Variants in CFAP20DC observed in about 807,000 individuals in gnomAD.
CFAP20DC encodes CFAP20 domain containing.
Under a neutral mutation model 101.7 loss-of-function variants are expected in CFAP20DC, and 84 were observed. That is an observed-to-expected ratio of 0.83 (90% confidence interval 0.69 to 0.99). The LOEUF (loss-of-function observed/expected upper bound fraction) is 0.99, where lower values mean the gene tolerates loss of function less well. CFAP20DC is among the 50% of genes least tolerant of loss of function. The pLI, the probability that CFAP20DC is intolerant of heterozygous loss-of-function variation, is 0.00. For synonymous variants in CFAP20DC, 359 were observed against 351.2 expected (o/e 1.02, Z -0.25); for missense variants, 1,007 against 970.3 (o/e 1.04, Z -0.50).
At chr3:58,881,729 A>G (rs902097004) in intron 7 of CFAP20DC, among the ~76,000 whole-genome samples, 1 of 152,200 alleles carries the variant, frequency 6.6e-6, no homozygotes, top group Non-Finnish European at 1.5e-5. Flanking sequence ...TGAGTAGCCC[A>G]TAGTTAATTA....
At position 58,863,129 on chromosome 3, in the gene CFAP20DC, G is replaced by C. The variant is rs2079390063; in HGVS notation, c.1593+429C>G. The C allele has an allele frequency of 9.5e-7, 1 of 1,047,640 alleles. No individual in the cohort carries two copies. The highest frequency in any genetic ancestry group is 1.1e-6 in the Non-Finnish European group (1 of 871,390). The allele number at this position is 1,047,640 out of a possible 1,614,324, so 64.9% of individuals were successfully genotyped here. A position where few individuals can be genotyped will look rare whatever the true frequency, so the allele number is the denominator to read the frequency against. Reference sequence around the variant, plus strand: ...AATAATGAGTCCTAATAGGTCTAAGGTGAAAAGATGGCAGGGGAGTAAGGA... The same window carrying C: ...AATAATGAGTCCTAATAGGTCTAAGCTGAAAAGATGGCAGGGGAGTAAGGA... On this transcript the variant is annotated intron_variant, in intron 12 of 16. Coordinates refer to ENST00000482387, the MANE Select transcript of CFAP20DC (RefSeq NM_001394063.1). This position sits in a 1 kb window ranked among gnomAD's most constrained non-coding sequence, Gnocchi z 5.9.
At position 58,913,423 on chromosome 3, in the gene CFAP20DC, GATT is replaced by G; in HGVS notation, c.550+282_550+284del. 2 of 573,738 alleles carry G rather than the reference GATT, an allele frequency of 3.5e-6. No homozygotes were observed. The highest frequency in any genetic ancestry group is 4.6e-5 in the South Asian group (2 of 43,286). 35.5% of individuals were successfully genotyped at this position (573,738 alleles called of 1,614,324 possible). ...TGTTCTTTTTCAACCACCTAAAGAG[GATT>G]ATGTTGTTTGTAACTAAGGAGCCTA... On this transcript the variant is annotated intron_variant, in intron 6 of 16. Transcript: ENST00000482387. This position sits in a 1 kb window ranked among gnomAD's most constrained non-coding sequence, Gnocchi z 4.4.
At chr3:58,824,544 C>T (rs2075909933) in intron 14 of CFAP20DC, 1 of 152,048 alleles carries the variant, frequency 6.6e-6, no homozygotes, top group African/African-American at 2.4e-5. Context: ...AATAAAAGAA[C>T]CGGAGATAAG....
At chr3:58,934,018 C>G (rs1370868035) in intron 5 of CFAP20DC, among the ~76,000 whole-genome samples, 4 of 152,002 alleles carry the variant, frequency 2.6e-5, no homozygotes, top group Non-Finnish European at 5.9e-5. Flanking sequence ...AATTGATAGA[C>G]CACTAGCAAG....
At chr3:58,973,064 G>T (rs2092044860) in intron 4 of CFAP20DC, among the ~76,000 whole-genome samples, 1 of 152,120 alleles carries the variant, frequency 6.6e-6, no homozygotes. Context: ...AATGTTAGCA[G>T]CTCCCAGGCT....
At chr3:58,769,238 G>C (rs1392121988) in intron 15 of CFAP20DC, among the ~76,000 whole-genome samples, 1 of 152,198 alleles carries the variant, frequency 6.6e-6, no homozygotes, top group Non-Finnish European at 1.5e-5. Context: ...CATTGGCTGA[G>C]TGCCATCAGA....
At chr3:58,888,258 AAAT>A (rs1364337543) in intron 6 of CFAP20DC, among the ~76,000 whole-genome samples, 1 of 152,248 alleles carries the variant, frequency 6.6e-6, no homozygotes, top group East Asian at 1.9e-4. Flanking sequence ...GTCATTCAAC[AAAT>A]ATTTATTGAG....
intron 14 of CFAP20DC, among the ~76,000 whole-genome samples, chr3:58,813,129 C>A (rs2074805390): frequency 6.6e-6 from 1 of 151,836 alleles, no homozygotes; most frequent in Admixed American, 6.6e-5. Context: ...GTGTATAACA[C>A]AACCTCAAGT....
At chr3:58,812,628 C>T (rs1194424534) in intron 14 of CFAP20DC, among the ~76,000 whole-genome samples, 1 of 151,566 alleles carries the variant, frequency 6.6e-6, no homozygotes, top group Non-Finnish European at 1.5e-5. Context: ...ATGGGTGCAG[C>T]ACACCAGCAT....
intron 5 of CFAP20DC, among the ~76,000 whole-genome samples, chr3:58,927,818 G>GCT (rs2086150571): frequency 6.6e-6 from 1 of 152,130 alleles, no homozygotes; most frequent in Non-Finnish European, 1.5e-5. Flanking sequence ...CCACCTTGCT[G>GCT]CTCTCTGGAG....
Position 58,862,344 on chromosome 3 carries a change from A to C in CFAP20DC, c.1593+1214T>G, listed in dbSNP as rs2079319907. On this transcript the variant is annotated intron_variant, in intron 12 of 16. Coordinates refer to ENST00000482387, the MANE Select transcript of CFAP20DC (RefSeq NM_001394063.1). Reference sequence around the variant, plus strand: ...TATTAGGTGCTGAAGACAAATGTCCATGTTTTTATAGCTTTATGTTATTAA... The same window carrying C: ...TATTAGGTGCTGAAGACAAATGTCCCTGTTTTTATAGCTTTATGTTATTAA... 4.1e-6 allele frequency: 4 copies of C among 985,440 alleles called. No homozygotes were observed. In the South Asian group the frequency reaches 1.9e-4, roughly 46 times the overall value. The allele number at this position is 985,440 out of a possible 1,614,324, so 61.0% of individuals were successfully genotyped here.
intron 5 of CFAP20DC, among the ~76,000 whole-genome samples, chr3:58,931,297 A>G (rs988917975): frequency 4.6e-5 from 7 of 152,160 alleles, no homozygotes; most frequent in African/African-American, 1.7e-4. Context: ...GACCACCACA[A>G]CTCAAGGAGG....
At chr3:58,748,292 G>A (rs145009661) in intron 16 of CFAP20DC, among the ~76,000 whole-genome samples, 1 of 152,280 alleles carries the variant, frequency 6.6e-6, no homozygotes, top group Non-Finnish European at 1.5e-5. Context: ...AGGTATCAAC[G>A]TTGAGCTATG....
chr3:58,796,557 C>G (rs1291710328), intron 15 of CFAP20DC, among the ~76,000 whole-genome samples: 3 of 152,106 alleles, frequency 2.0e-5, no homozygotes, highest in African/African-American at 7.2e-5. Flanking sequence ...GAGCAGTTGA[C>G]TAAGGACCTC....
chr3:58,941,363 T>C (rs2088557820), intron 4 of CFAP20DC, among the ~76,000 whole-genome samples: 1 of 142,524 alleles, frequency 7.0e-6, no homozygotes, highest in Admixed American at 6.9e-5. Flanking sequence ...AAAAGAAAAT[T>C]TCACTTCCCA....
chr3:58,785,508 A>G (rs554696383), intron 15 of CFAP20DC, among the ~76,000 whole-genome samples: 1 of 152,252 alleles, frequency 6.6e-6, no homozygotes, highest in South Asian at 2.1e-4. Flanking sequence ...GTCATCACAC[A>G]TTCCATACAT....
intron 5 of CFAP20DC, among the ~76,000 whole-genome samples, chr3:58,932,840 C>T (rs1240071982): frequency 6.6e-6 from 1 of 152,132 alleles, no homozygotes; most frequent in Non-Finnish European, 1.5e-5. Context: ...TAAAGACCAT[C>T]GAGGCTAGGA....
intron 13 of CFAP20DC, among the ~76,000 whole-genome samples, chr3:58,843,459 G>C (rs1227832086): frequency 1.3e-4 from 19 of 151,402 alleles, no homozygotes; most frequent in Admixed American, 1.2e-3. Flanking sequence ...GGGAAGTTTA[G>C]AGAAAAAAGA....
chr3:58,948,716 T>A (rs2089689076), intron 4 of CFAP20DC, among the ~76,000 whole-genome samples: 1 of 152,246 alleles, frequency 6.6e-6, no homozygotes, highest in Non-Finnish European at 1.5e-5. Flanking sequence ...GATTTTTGCA[T>A]CGATGTTCAT....
Sources: allele counts gnomAD v4.1 joint callset (sites outside exome capture counted in the v4.1 genomes callset), GRCh38; gene constraint gnomAD v4.1.1; non-coding constraint Gnocchi (gnomAD v3.1); transcripts MANE v1.5; gene names NCBI Gene and HGNC (gene_info 2026-07-23, HGNC 2026-07-21).